The following METTL24 variants were observed in gnomAD, a reference collection of about 807,000 sequenced individuals.
METTL24 encodes methyltransferase like 24, also known as probable methyltransferase-like protein 24.
In METTL24, 29 loss-of-function variants were observed where a neutral mutation model predicts 32.7. That is an observed-to-expected ratio of 0.89 (90% CI 0.66 to 1.21). The LOEUF (loss-of-function observed/expected upper bound fraction) is 1.21. METTL24 is among the 50% of genes most tolerant of loss of function. The probability of loss-of-function intolerance (pLI) is 0.00; values close to 1 mark genes in which losing one functional copy is unlikely to be tolerated. For missense variants in METTL24, 439 were observed against 468.1 expected, an observed-to-expected ratio of 0.94 and a Z score of 0.57; for synonymous variants, 163 against 179.5, an observed-to-expected ratio of 0.91 and a Z score of 0.73.
chr6:110,334,469 T>C (rs1224595749), intron 1 of METTL24, among the ~76,000 whole-genome samples: 2 of 151,970 alleles, frequency 1.3e-5, no homozygotes, highest in African/African-American at 2.4e-5. Flanking sequence ...CACAGGACAT[T>C]GACGGGAAGC....
chr6:110,260,537 C>T (rs965211456), intron 4 of METTL24, among the ~76,000 whole-genome samples: 2 of 152,202 alleles, frequency 1.3e-5, no homozygotes, highest in East Asian at 1.9e-4. Flanking sequence ...TTGGAAAACA[C>T]TCTGCAGGAT....
chr6:110,298,948 T>C lies in METTL24; in HGVS notation c.760A>G (p.Ile254Val). The C allele has an allele frequency of 6.2e-7, 1 of 1,614,178 alleles. No homozygotes were observed. The highest frequency in any genetic ancestry group is 1.1e-5 in the South Asian group (1 of 91,086). The change falls in exon 4 of 5, where the codon ATT becomes GTT. Residue 254 changes from isoleucine (I) to valine (V), a missense_variant. Coordinates refer to ENST00000338882, the MANE Select transcript of METTL24 (RefSeq NM_001123364.3). Reference sequence around the variant, plus strand: ...TTGTGATGTCCAAATTCATTCAAAATGCTTCCCAGTTTTCTGGTGTTGCTA... The same window carrying C: ...TTGTGATGTCCAAATTCATTCAAAACGCTTCCCAGTTTTCTGGTGTTGCTA... The part of the protein sequence containing the change: ...PHSNTRKLGS[I>V]LNEFGHHKID...
At chr6:110,268,347 AC>A (rs1430122099) in intron 4 of METTL24, among the ~76,000 whole-genome samples, 1 of 152,208 alleles carries the variant, frequency 6.6e-6, no homozygotes, top group Non-Finnish European at 1.5e-5. Context: ...TGACTTCAAA[AC>A]AGGGGTTCTT....
At chr6:110,311,890 A>C (rs1304078376) in intron 3 of METTL24, among the ~76,000 whole-genome samples, 1 of 152,022 alleles carries the variant, frequency 6.6e-6, no homozygotes, top group Non-Finnish European at 1.5e-5. Context: ...TCATGGAATT[A>C]TTTTTTTGTT....
chr6:110,254,614 G>A (rs41288582), intron 4 of METTL24, among the ~76,000 whole-genome samples: 33,876 of 151,950 alleles, frequency 0.22, 5,567 homozygotes, highest in African/African-American at 0.47. Context: ...CCTGGGTAGC[G>A]GAGCAAGACT....
At chr6:110,302,581 A>ATG (rs1428319363) in intron 3 of METTL24, among the ~76,000 whole-genome samples, 20 of 117,464 alleles carry the variant, frequency 1.7e-4, no homozygotes, top group African/African-American at 8.7e-4. Flanking sequence ...ACACACACAT[A>ATG]TGTGTATATA....
At chr6:110,289,783 A>T (rs1189787547) in intron 4 of METTL24, among the ~76,000 whole-genome samples, 1 of 152,220 alleles carries the variant, frequency 6.6e-6, no homozygotes, top group Non-Finnish European at 1.5e-5. Context: ...TTCCTCAGCC[A>T]TCTAGTTCTT....
intron 3 of METTL24, among the ~76,000 whole-genome samples, chr6:110,312,658 A>T (rs1200145052): frequency 6.6e-6 from 1 of 152,160 alleles, no homozygotes; most frequent in Non-Finnish European, 1.5e-5. Context: ...GATCTCATGG[A>T]GGTAGAGAGA....
At chr6:110,274,665 T>A (rs1771014291) in intron 4 of METTL24, among the ~76,000 whole-genome samples, 1 of 151,884 alleles carries the variant, frequency 6.6e-6, no homozygotes, top group Admixed American at 6.6e-5. Context: ...ATAAAAAAAT[T>A]TTTTTTAAGT....
rs765556646 is a variant in METTL24 at position 110,299,109 on chromosome 6, T to C, written c.599A>G (p.Asn200Ser). ...AAAACGATGCACTTCACATCCGTTG[T>C]TGGCCATGCTAACCTCAAAATGGGT... is the stretch of plus-strand genomic sequence containing the variant. ...DDTHFEVSMANNGCEVHRFDP... is the reference protein window; with the variant it reads ...DDTHFEVSMASNGCEVHRFDP... Residue 200 changes from asparagine to serine, a missense_variant, in exon 4 of 5, where the codon AAC becomes AGC. Physicochemically the swap from Asn to Ser is conservative, Grantham distance 46 (BLOSUM62 1). Transcript: ENST00000338882. 4 of 1,614,066 alleles carry C rather than the reference T, an allele frequency of 2.5e-6. No individual in the cohort carries two copies. The African/African-American group carries it at 4.0e-5, about 16-fold the overall frequency.
chr6:110,347,817 T>C (rs1050795368), intron 1 of METTL24, among the ~76,000 whole-genome samples: 4 of 152,200 alleles, frequency 2.6e-5, no homozygotes, highest in Admixed American at 2.6e-4. Context: ...CACAAACTAA[T>C]GTGAACAATA....
At chr6:110,303,143 T>C (rs1185266319) in intron 3 of METTL24, among the ~76,000 whole-genome samples, 2 of 152,126 alleles carry the variant, frequency 1.3e-5, no homozygotes, top group Non-Finnish European at 2.9e-5. Context: ...GATACTACGC[T>C]TTTCCCATGG....
At chr6:110,270,786 T>C (rs966831670) in intron 4 of METTL24, among the ~76,000 whole-genome samples, 7 of 152,096 alleles carry the variant, frequency 4.6e-5, no homozygotes, top group African/African-American at 1.4e-4. Flanking sequence ...TGAGTTCTAA[T>C]TGTCTTGTCT....
chr6:110,320,882 A>C (rs1040364254), intron 2 of METTL24, among the ~76,000 whole-genome samples: 1 of 152,098 alleles, frequency 6.6e-6, no homozygotes, highest in African/African-American at 2.4e-5. Flanking sequence ...GAACAAGGAG[A>C]GCCAGAGAAG....
intron 1 of METTL24, among the ~76,000 whole-genome samples, chr6:110,352,143 T>G (rs1467578527): frequency 1.3e-5 from 2 of 152,202 alleles, no homozygotes; most frequent in Non-Finnish European, 2.9e-5. Context: ...AGGTAACTCA[T>G]CTTCCTTAAC....
At position 110,277,620 on chromosome 6, in the gene METTL24, G is replaced by A. The variant is rs564851562; in HGVS notation, c.786+21302C>T. Among the ~76,000 whole-genome samples, 5 of 152,242 alleles carry A rather than the reference G, an allele frequency of 3.3e-5. No homozygotes were observed. In the East Asian group the frequency reaches 9.7e-4, roughly 29 times the overall value. On this transcript the variant is annotated intron_variant, in intron 4 of 4. Transcript: ENST00000338882. ...AAAGTGCTGTTTAAGTTATAGTAAA[G>A]AAATCTTTGTCAGGAAAACGTTATA...
chr6:110,292,523 T>TTTTTTAATGA (rs1445840649), intron 4 of METTL24, among the ~76,000 whole-genome samples: 1 of 152,160 alleles, frequency 6.6e-6, no homozygotes, highest in African/African-American at 2.4e-5. Context: ...TGTGGATCTT[T>TTTTTTAATGA]TTTTTAATGA....
chr6:110,268,838 A>T (rs1335456821), intron 4 of METTL24, among the ~76,000 whole-genome samples: 2 of 152,150 alleles, frequency 1.3e-5, no homozygotes, highest in Non-Finnish European at 1.5e-5. Flanking sequence ...AACCTGGAAT[A>T]ACTGCCACAA....
chr6:110,349,903 A>G (rs1342518335), intron 1 of METTL24, among the ~76,000 whole-genome samples: 4 of 152,202 alleles, frequency 2.6e-5, no homozygotes, highest in Non-Finnish European at 5.9e-5. Flanking sequence ...GGGCAGGAAT[A>G]CCACCTCCAG....
Sources: gnomAD v4.1 joint callset for allele counts (sites outside exome capture counted in the v4.1 genomes callset) on GRCh38, gnomAD v4.1.1 for gene constraint, MANE v1.5 for transcripts, NCBI Gene and HGNC (gene_info 2026-07-23, HGNC 2026-07-21) for gene names.